MARCHF8: variants seen among roughly 807,000 people sequenced by gnomAD.
The protein encoded by MARCHF8 is E3 ubiquitin-protein ligase MARCHF8.
MARCHF8 carries 40 observed loss-of-function variants against 51.6 expected under a neutral mutation model. The observed-to-expected ratio is 0.77, with a 90% CI of 0.60 to 1.01. The LOEUF (loss-of-function observed/expected upper bound fraction) is 1.01, where lower values mean the gene tolerates loss of function less well. Ranked by LOEUF, MARCHF8 falls within the 50% of genes least tolerant of loss-of-function variation. The pLI, the probability that MARCHF8 is intolerant of heterozygous loss-of-function variation, is 0.00. For missense variants in MARCHF8, 685 were observed against 708.6 expected, an observed-to-expected ratio of 0.97 and a Z score of 0.38; for synonymous variants, 263 against 280.3, an observed-to-expected ratio of 0.94 and a Z score of 0.62.
At chr10:45,541,868 A>C (rs1022601777) in intron 1 of MARCHF8, among the ~76,000 whole-genome samples, 17 of 152,228 alleles carry the variant, frequency 1.1e-4, no homozygotes, top group Non-Finnish European at 1.3e-4. Context: ...CCTATGGGGA[A>C]GATTCTGTCC....
chr10:45,529,794 T>C (rs2043848414), intron 2 of MARCHF8, among the ~76,000 whole-genome samples: 1 of 152,090 alleles, frequency 6.6e-6, no homozygotes, highest in Non-Finnish European at 1.5e-5. Context: ...CAATAACAGA[T>C]GTTGGCAAGG....
intron 2 of MARCHF8, among the ~76,000 whole-genome samples, chr10:45,502,313 A>G (rs34879733): frequency 0.062 from 9,377 of 152,276 alleles, 331 homozygotes; most frequent in Non-Finnish European, 0.067. Flanking sequence ...AGAAATCTCC[A>G]GAGAATTACA....
chr10:45,524,678 T>C (rs2043762065), intron 2 of MARCHF8, among the ~76,000 whole-genome samples: 1 of 152,134 alleles, frequency 6.6e-6, no homozygotes, highest in African/African-American at 2.4e-5. Flanking sequence ...CAACTAATAA[T>C]ACGTGATTAT....
chr10:45,472,129 G>C (rs2042702824), intron 3 of MARCHF8, among the ~76,000 whole-genome samples: 1 of 152,080 alleles, frequency 6.6e-6, no homozygotes, highest in African/African-American at 2.4e-5. Flanking sequence ...TCCTTTCCCG[G>C]CAACTGGTGG....
intron 1 of MARCHF8, among the ~76,000 whole-genome samples, chr10:45,578,381 T>A (rs1336021430): frequency 6.6e-6 from 1 of 152,180 alleles, no homozygotes; most frequent in East Asian, 1.9e-4. Flanking sequence ...AGTATCAAGA[T>A]AATAACAGTA....
chr10:45,582,582 A>G (rs1247364923), intron 1 of MARCHF8, among the ~76,000 whole-genome samples: 2 of 152,240 alleles, frequency 1.3e-5, no homozygotes, highest in Non-Finnish European at 2.9e-5. Context: ...TGAGTAAACA[A>G]GGCAGAGAGA....
intron 1 of MARCHF8, among the ~76,000 whole-genome samples, chr10:45,585,668 G>A (rs2044610679): frequency 6.6e-6 from 1 of 152,134 alleles, no homozygotes; most frequent in African/African-American, 2.4e-5. Flanking sequence ...CAAAAGTAAT[G>A]TAGATTGTTC....
intron 2 of MARCHF8, among the ~76,000 whole-genome samples, chr10:45,524,050 C>T (rs971730572): frequency 2.6e-5 from 4 of 152,112 alleles, no homozygotes; most frequent in Non-Finnish European, 5.9e-5. Context: ...AATTGCAGGA[C>T]CTCAAAGTTG....
chr10:45,587,470 G>C (rs1042452624), intron 1 of MARCHF8, among the ~76,000 whole-genome samples: 1 of 152,150 alleles, frequency 6.6e-6, no homozygotes, highest in Non-Finnish European at 1.5e-5. Flanking sequence ...TTCATGTATT[G>C]AAAGGTTCGA....
intron 1 of MARCHF8, among the ~76,000 whole-genome samples, chr10:45,567,619 C>T (rs189765563): frequency 6.6e-6 from 1 of 152,184 alleles, no homozygotes; most frequent in East Asian, 1.9e-4. Context: ...GTTCTCGGTT[C>T]TCTATTCTGT....
exon 1 of MARCHF8, chr10:45,594,787 T>C (rs1403965423): frequency 2.0e-5 from 3 of 152,344 alleles, no homozygotes; most frequent in African/African-American, 7.2e-5. Context: ...GGCTCTGAGC[T>C]GGCGGCGCTA....
chr10:45,487,234 C>T (rs1299481913), intron 3 of MARCHF8, among the ~76,000 whole-genome samples: 6 of 152,170 alleles, frequency 3.9e-5, no homozygotes, highest in Non-Finnish European at 8.8e-5. Flanking sequence ...ATACCCACAA[C>T]CCAAGCCAGG....
At chr10:45,486,199 T>C (rs1407966242) in intron 3 of MARCHF8, among the ~76,000 whole-genome samples, 2 of 152,198 alleles carry the variant, frequency 1.3e-5, no homozygotes, top group East Asian at 3.9e-4. Flanking sequence ...TACTCTCCAA[T>C]GACCATAGTA....
chr10:45,516,376 C>G lies in MARCHF8; in HGVS notation c.102+16734G>C, dbSNP rs184230359. 3.5e-3 allele frequency among the ~76,000 whole-genome samples: 538 copies of G among 152,258 alleles called. 3 individuals carry two copies. Among genetic ancestry groups the G allele is most frequent in the African/African-American group, 0.012 (512 of 41,586 alleles). On this transcript the variant is annotated intron_variant, in intron 2 of 7. Coordinates refer to ENST00000453424, the MANE Select transcript of MARCHF8 (RefSeq NM_001282866.2). ...ATATTGCCCAGGCTGGTCTCAAACT[C>G]CTGGCCTCAAGAGATCTTCCTGCCT...
chr10:45,571,880 A>G (rs183286642), intron 1 of MARCHF8, among the ~76,000 whole-genome samples: 3 of 152,300 alleles, frequency 2.0e-5, no homozygotes, highest in East Asian at 1.9e-4. Flanking sequence ...CGTGGACCCA[A>G]AACTCCAGCA....
chr10:45,547,399 T>C (rs184744586), intron 1 of MARCHF8, among the ~76,000 whole-genome samples: 29 of 152,294 alleles, frequency 1.9e-4, no homozygotes, highest in African/African-American at 7.0e-4. Context: ...TTCACAGCCA[T>C]ATTTCAAGGA....
At chr10:45,527,965 T>C (rs1485231094) in intron 2 of MARCHF8, among the ~76,000 whole-genome samples, 2 of 152,204 alleles carry the variant, frequency 1.3e-5, no homozygotes, top group African/African-American at 4.8e-5. Context: ...AATCAATAAA[T>C]GTGATCTGCC....
intron 5 of MARCHF8, 82 bp from the exon 6 acceptor site, chr10:45,461,493 C>T: frequency 8.1e-7 from 1 of 1,236,942 alleles, no homozygotes; most frequent in South Asian, 1.9e-5. Context: ...TTAATCCCCC[C>T]AAAGGAAACT....
chr10:45,508,232 G>C (rs545995435), intron 2 of MARCHF8, among the ~76,000 whole-genome samples: 7 of 148,598 alleles, frequency 4.7e-5, no homozygotes, highest in Non-Finnish European at 1.0e-4. Flanking sequence ...AATCCTAAAT[G>C]TAAAATAAAA....
Sources: allele counts gnomAD v4.1 joint callset (sites outside exome capture counted in the v4.1 genomes callset), GRCh38; gene constraint gnomAD v4.1.1; transcripts MANE v1.5; gene names NCBI Gene and HGNC (gene_info 2026-07-23, HGNC 2026-07-21).